The following XIRP1 variants were observed in gnomAD, a reference collection of about 807,000 sequenced individuals.
The protein encoded by XIRP1 is xin actin-binding repeat-containing protein 1.
For synonymous variants in XIRP1, 984 were observed against 947.0 expected (o/e 1.04, Z -0.72); for missense variants, 2,378 against 2,345.4 (o/e 1.01, Z -0.29).
rs780943787 is a variant in XIRP1, at chr3:39,188,460, A to C, written c.986T>G (p.Phe329Cys). Residue 329 changes from phenylalanine (F) to cysteine (C), a missense_variant, in exon 2 of 2, where the codon TTC becomes TGC. Physicochemically the swap from Phe to Cys is radical, Grantham distance 205 (BLOSUM62 -2). Transcript: ENST00000340369. ...IREILVDEKD[F>C]QPSPDLIPPG... ...TGGGATAAGGTCTGGGGATGGCTGG[A>C]AGTCCTTCTCATCTACCAAGATCTC... The C allele has an allele frequency of 1.2e-6, 2 of 1,602,138 alleles. No individual in the cohort carries two copies. Among genetic ancestry groups the C allele is most frequent in the Non-Finnish European group, 1.7e-6 (2 of 1,171,888 alleles).
chr3:39,184,748 A>G lies in XIRP1; in HGVS notation c.4698T>C (p.Pro1566=), dbSNP rs1443007563. The change falls in exon 2 of 2, where the codon CCT becomes CCC. Residue 1566 remains proline, a synonymous_variant. Transcript: ENST00000340369. ...GGAAATGGCCTCTGGCACTGGCCTC[A>G]GGCTGGAGGCTAGACATGGAGCTGA... ...KALSSMSSLQ[P]EASARGHFQG... The G allele has an allele frequency of 6.2e-7, 1 of 1,614,230 alleles. No homozygotes were observed. The highest frequency in any genetic ancestry group is 2.2e-5 in the East Asian group (1 of 44,888).
chr3:39,185,422 G>C lies in XIRP1; in HGVS notation c.4024C>G (p.Leu1342Val), dbSNP rs1371169954. Residue 1342 changes from leucine (L) to valine (V), a missense_variant, in exon 2 of 2, where the codon CTG becomes GTG. Leu to Val is a conservative substitution (Grantham distance 32, BLOSUM62 1). Coordinates refer to ENST00000340369, the MANE Select transcript of XIRP1 (RefSeq NM_194293.4). ...GGAGATAGAGGCAAGGGCTTGGGCA[G>C]CCTCTGAGGAGGGTGGCTCTGGGTT... The part of the protein sequence containing the change: ...HLTQSHPPQR[L>V]PKPLPLSPSF... The C allele has an allele frequency of 6.2e-7, 1 of 1,612,122 alleles. No homozygotes were observed. Among genetic ancestry groups the C allele is most frequent in the Admixed American group, 1.7e-5 (1 of 59,900 alleles).
chr3:39,190,068 G>A (rs1391307558), intron 1 of XIRP1, among the ~76,000 whole-genome samples: 1 of 152,216 alleles, frequency 6.6e-6, no homozygotes, highest in African/African-American at 2.4e-5. Context: ...CAGGCCCAAG[G>A]AGGCAAGCAG....
In XIRP1 at chr3:39,188,108, C is replaced by T. The variant is rs1459287686; in HGVS notation, c.1338G>A (p.Glu446=). ...GTCCAATGCTGTCCAAGGGAAGGGT[C>T]TCAAAAAGGTTCTTAAAAGTCTTCA... is the stretch of plus-strand genomic sequence containing the variant. ...GDVKTFKNLF[E]TLPLDSIGQG... is the part of the protein sequence containing the mutation. Residue 446 remains glutamate, a synonymous_variant, in exon 2 of 2, where the codon GAG becomes GAA. Transcript: ENST00000340369. 2.5e-6 allele frequency: 4 copies of T among 1,614,148 alleles called. No individual in the cohort carries two copies. The highest frequency in any genetic ancestry group is 3.4e-6 in the Non-Finnish European group (4 of 1,180,022).
chr3:39,187,453 T>A lies in XIRP1; in HGVS notation c.1993A>T (p.Thr665Ser). ...CGGCCTGAGGCCTGAAGAGGCTCGG[T>A]CTCAAAGACGTGTCTGTCTGTCTGT... is the stretch of plus-strand genomic sequence containing the variant. ...ERQTDRHVFE[T>S]EPLQASGRPC... The change falls in exon 2 of 2, where the codon ACC (threonine) becomes TCC (serine). Residue 665 changes from threonine to serine, a missense_variant. Coordinates refer to ENST00000340369, the MANE Select transcript of XIRP1 (RefSeq NM_194293.4). The A allele has an allele frequency of 6.2e-7, 1 of 1,614,082 alleles. No homozygotes were observed. Among genetic ancestry groups the A allele is most frequent in the Non-Finnish European group, 8.5e-7 (1 of 1,180,048 alleles).
chr3:39,189,416 G>A lies in XIRP1; in HGVS notation c.30C>T (p.Pro10=). The A allele has an allele frequency of 1.2e-6, 2 of 1,603,778 alleles. No individual in the cohort carries two copies. The highest frequency in any genetic ancestry group is 1.7e-5 in the Admixed American group (1 of 59,416). ...CAGTTGCCATCCTCATGGTTGGTGT[G>A]GGGGCCACCTGTGTCTGGGTGTCGG... is the stretch of plus-strand genomic sequence containing the variant. The part of the protein sequence containing the change: MADTQTQVA[P]TPTMRMATAE... Residue 10 remains proline (P), a synonymous_variant, in exon 2 of 2, where the codon CCC becomes CCT. Coordinates refer to ENST00000340369, the MANE Select transcript of XIRP1 (RefSeq NM_194293.4).
Position 39,186,520 on chromosome 3 carries a change from G to GT in XIRP1, c.2925dup (p.Leu976ThrfsTer89). 6.2e-7 allele frequency: 1 copy of GT among 1,613,292 alleles called. No homozygotes were observed. Among genetic ancestry groups the GT allele is most frequent in the Non-Finnish European group, 8.5e-7 (1 of 1,179,528 alleles). On this transcript the variant is annotated frameshift_variant, in exon 2 of 2. Coordinates refer to ENST00000340369, the MANE Select transcript of XIRP1 (RefSeq NM_194293.4). LOFTEE classifies it low-confidence loss of function (END_TRUNC). Reference sequence around the variant, plus strand: ...TGCCCCATCCCCATGCTGGGGTCCAGTGGGGGAACATGGATGATGCTCTCA... The same window carrying GT: ...TGCCCCATCCCCATGCTGGGGTCCAGTTGGGGGAACATGGATGATGCTCTCA...
Position 39,188,944 on chromosome 3 carries a change from G to T in XIRP1, c.502C>A (p.Leu168Met). ...TCCAGTTCCTTGGCTTGCCCTGTCA[G>T]CTCGTCCAGTGGCTTTGTCTCAAAT... Reference protein sequence around the residue: ...WLFETKPLDELTGQAKELEAT... With the variant: ...WLFETKPLDEMTGQAKELEAT... Residue 168 changes from leucine (L) to methionine (M), a missense_variant, in exon 2 of 2, where the codon CTG becomes ATG. Transcript: ENST00000340369. 1 of 1,613,392 alleles carries T rather than the reference G, an allele frequency of 6.2e-7. No homozygotes were observed. The highest frequency in any genetic ancestry group is 8.5e-7 in the Non-Finnish European group (1 of 1,179,964).
Position 39,187,631 on chromosome 3 carries a change from C to A in XIRP1, c.1815G>T (p.Glu605Asp). The A allele has an allele frequency of 6.2e-7, 1 of 1,614,106 alleles. No homozygotes were observed. The highest frequency in any genetic ancestry group is 8.5e-7 in the Non-Finnish European group (1 of 1,180,026). ...RWLFETCPMS[E>D]LAEKQGSEVT... The stretch of plus-strand genomic sequence containing the variant: ...CCTCTGACCCCTGCTTTTCGGCCAA[C>A]TCACTCATTGGGCAAGTCTCGAACA... The change falls in exon 2 of 2, where the codon GAG becomes GAT. Residue 605 changes from glutamate (E) to aspartate (D), a missense_variant. Transcript: ENST00000340369.
intron 1 of XIRP1, among the ~76,000 whole-genome samples, chr3:39,192,001 A>T (rs2040093943): frequency 6.6e-6 from 1 of 152,188 alleles, no homozygotes; most frequent in African/African-American, 2.4e-5. Context: ...ACAACTAGGC[A>T]TGGGGCTTGT....
In XIRP1 at chr3:39,189,259, G is replaced by A. The variant is rs1274136366; in HGVS notation, c.187C>T (p.Pro63Ser). Reference sequence around the variant, plus strand: ...TCAGCCAGATTCTTGCGGAGCTCAGGGTGGATGTGCCTGTAGAGGCGGCGG... The same window carrying A: ...TCAGCCAGATTCTTGCGGAGCTCAGAGTGGATGTGCCTGTAGAGGCGGCGG... ...ELRRLYRHIHPELRKNLAEAV... is the reference protein window; with the variant it reads ...ELRRLYRHIHSELRKNLAEAV... The change falls in exon 2 of 2, where the codon CCT becomes TCT. Residue 63 changes from proline (P) to serine (S), a missense_variant. Transcript: ENST00000340369. The A allele has an allele frequency of 6.2e-7, 1 of 1,614,082 alleles. No homozygotes were observed. The highest frequency in any genetic ancestry group is 8.5e-7 in the Non-Finnish European group (1 of 1,180,026).
chr3:39,184,651 A>C lies in XIRP1; in HGVS notation c.4795T>G (p.Ser1599Ala). The C allele has an allele frequency of 1.2e-6, 2 of 1,613,838 alleles. No homozygotes were observed. Among genetic ancestry groups the C allele is most frequent in the Non-Finnish European group, 8.5e-7 (1 of 1,179,858 alleles). The part of the protein sequence containing the change: ...TVSSSARPSG[S>A]GQEVGGQTAV... Reference sequence around the variant, plus strand: ...GTTTGACCTCCGACCTCCTGGCCTGAGCCACTGGGCCTGGCGCTACTGCTG... The same window carrying C: ...GTTTGACCTCCGACCTCCTGGCCTGCGCCACTGGGCCTGGCGCTACTGCTG... The change falls in exon 2 of 2, where the codon TCA (serine) becomes GCA (alanine). Residue 1599 changes from serine (S) to alanine (A), a missense_variant. By Grantham distance (99) the Ser-to-Ala change is moderately conservative. Transcript: ENST00000340369.
At position 39,184,729 on chromosome 3, in the gene XIRP1, G is replaced by A. The variant is rs1258508462; in HGVS notation, c.4717C>T (p.His1573Tyr). The A allele has an allele frequency of 1.6e-5, 26 of 1,614,240 alleles. No individual in the cohort carries two copies. The highest frequency in any genetic ancestry group is 2.2e-5 in the Non-Finnish European group (26 of 1,180,038). Reference sequence around the variant, plus strand: ...TGGTCTTTTGGAGGTCCCTGGAAATGGCCTCTGGCACTGGCCTCAGGCTGG... The same window carrying A: ...TGGTCTTTTGGAGGTCCCTGGAAATAGCCTCTGGCACTGGCCTCAGGCTGG... ...SLQPEASARG[H>Y]FQGPPKDHSA... is the part of the protein sequence containing the mutation. Residue 1573 changes from histidine (H) to tyrosine (Y), a missense_variant, in exon 2 of 2, where the codon CAT becomes TAT. His to Tyr is a moderately conservative substitution (Grantham distance 83). Transcript: ENST00000340369.
Position 39,188,391 on chromosome 3 carries a change from C to G in XIRP1, c.1055G>C (p.Arg352Pro). The G allele has an allele frequency of 6.2e-7, 1 of 1,612,992 alleles. No homozygotes were observed. The highest frequency in any genetic ancestry group is 8.5e-7 in the Non-Finnish European group (1 of 1,179,132). The change falls in exon 2 of 2, where the codon CGA becomes CCA. Residue 352 changes from arginine (R) to proline (P), a missense_variant. Coordinates refer to ENST00000340369, the MANE Select transcript of XIRP1 (RefSeq NM_194293.4). ...GTCCCCCTTCAGAGTGTCCAGCGCT[C>G]GGGTCTCAAACAGATGCTGCTGCTG... Reference protein sequence around the residue: ...VQQQQHLFETRALDTLKGDEE... With the variant: ...VQQQQHLFETPALDTLKGDEE...
At position 39,184,484 on chromosome 3, in the gene XIRP1, C is replaced by T. The variant is rs148895799; in HGVS notation, c.4962G>A (p.Leu1654=). 3.1e-6 allele frequency: 5 copies of T among 1,614,074 alleles called. No individual in the cohort carries two copies. Among genetic ancestry groups the T allele is most frequent in the Non-Finnish European group, 4.2e-6 (5 of 1,180,038 alleles). ...TGGAAGGTAAAACCCGAGGAGGGCA[C>T]AAATACTCTCTTGATGTCTCCTGCC... The part of the protein sequence containing the change: ...TRRQETSREY[L]CPPRVLPSSR... Residue 1654 remains leucine, a synonymous_variant, in exon 2 of 2, where the codon TTG becomes TTA. Transcript: ENST00000340369.
Position 39,184,715 on chromosome 3 carries a change from A to AG in XIRP1, c.4730dup (p.Pro1578SerfsTer16). ...TCTTGTGGGCACTGTGGTCTTTTGG[A>AG]GGTCCCTGGAAATGGCCTCTGGCAC... On this transcript the variant is annotated frameshift_variant, in exon 2 of 2. Coordinates refer to ENST00000340369, the MANE Select transcript of XIRP1 (RefSeq NM_194293.4). LOFTEE classifies it low-confidence loss of function (END_TRUNC). The AG allele has an allele frequency of 6.2e-7, 1 of 1,614,172 alleles. No individual in the cohort carries two copies. The highest frequency in any genetic ancestry group is 8.5e-7 in the Non-Finnish European group (1 of 1,180,020).
In XIRP1 at chr3:39,184,020, G is replaced by A. The variant is rs779058487; in HGVS notation, c.5426C>T (p.Pro1809Leu). Residue 1809 changes from proline to leucine, a missense_variant, in exon 2 of 2, where the codon CCC (proline) becomes CTC (leucine). Physicochemically the swap from Pro to Leu is moderately conservative, Grantham distance 98 (BLOSUM62 -3). Transcript: ENST00000340369. ...PGSHLGLHASPLLRQFLHSPA... is the reference protein window; with the variant it reads ...PGSHLGLHASLLLRQFLHSPA... ...GCTGTGCAGGAACTGCCTCAGCAAG[G>A]GGGAGGCGTGGAGCCCGAGGTGGGA... 6.2e-7 allele frequency: 1 copy of A among 1,613,124 alleles called. No individual in the cohort carries two copies. The highest frequency in any genetic ancestry group is 8.5e-7 in the Non-Finnish European group (1 of 1,179,654).
At position 39,186,733 on chromosome 3, in the gene XIRP1, C is replaced by A; in HGVS notation, c.2713G>T (p.Val905Phe). The change falls in exon 2 of 2, where the codon GTC becomes TTC. Residue 905 changes from valine to phenylalanine, a missense_variant. Transcript: ENST00000340369. Reference protein sequence around the residue: ...LVMQETEQGLVALTAYSLQPR... With the variant: ...LVMQETEQGLFALTAYSLQPR... The stretch of plus-strand genomic sequence containing the variant: ...TGCAGAGAGTAGGCAGTCAGTGCGA[C>A]CAGGCCCTGCTCTGTCTCCTGCATC... 1 of 1,614,022 alleles carries A rather than the reference C, an allele frequency of 6.2e-7. No individual in the cohort carries two copies. The highest frequency in any genetic ancestry group is 8.5e-7 in the Non-Finnish European group (1 of 1,180,038).
In XIRP1 at chr3:39,189,018, G is replaced by A; in HGVS notation, c.428C>T (p.Pro143Leu). ...GSFANSTDQEPTRPQPGGGDV... is the reference protein window; with the variant it reads ...GSFANSTDQELTRPQPGGGDV... ...TCCTCCACCTGGCTGGGGCCTGGTT[G>A]GCTCCTGGTCTGTGCTGTTGGCAAA... Residue 143 changes from proline (P) to leucine (L), a missense_variant, in exon 2 of 2, where the codon CCA becomes CTA. Coordinates refer to ENST00000340369, the MANE Select transcript of XIRP1 (RefSeq NM_194293.4). 1 of 1,614,008 alleles carries A rather than the reference G, an allele frequency of 6.2e-7. No individual in the cohort carries two copies. The highest frequency in any genetic ancestry group is 8.5e-7 in the Non-Finnish European group (1 of 1,180,048).
Sources: allele counts gnomAD v4.1 joint callset (sites outside exome capture counted in the v4.1 genomes callset), GRCh38; gene constraint gnomAD v4.1.1; transcripts MANE v1.5; gene names NCBI Gene and HGNC (gene_info 2026-07-23, HGNC 2026-07-21).